EBPL: variants seen among roughly 807,000 people sequenced by gnomAD.
EBPL encodes emopamil-binding protein-like.
A neutral mutation model predicts 19.0 loss-of-function variants in EBPL; 20 were observed. That is an observed-to-expected ratio of 1.05 (90% CI 0.74 to 1.53). The LOEUF is 1.53. EBPL is among the 40% of genes most tolerant of loss of function. EBPL has a pLI of 0.00. For missense variants in EBPL, 219 were observed against 261.1 expected (o/e 0.84, Z 1.11); for synonymous variants, 107 against 117.0 (o/e 0.91, Z 0.55).
At chr13:49,671,984 C>G (rs904807181) in intron 1 of EBPL, among the ~76,000 whole-genome samples, 10 of 152,048 alleles carry the variant, frequency 6.6e-5, no homozygotes, top group African/African-American at 2.2e-4. Flanking sequence ...GCCCTAACCC[C>G]CTTCTTCAAG....
At chr13:49,667,043 C>T (rs1295169196) in intron 2 of EBPL, among the ~76,000 whole-genome samples, 1 of 152,022 alleles carries the variant, frequency 6.6e-6, no homozygotes, top group Non-Finnish European at 1.5e-5. Context: ...GTGTCTGAAT[C>T]TACAGACAGT....
At position 49,679,743 on chromosome 13, in the gene EBPL, G is replaced by A. The variant is rs188767834; in HGVS notation, c.172-9897C>T. 1.7e-4 allele frequency among the ~76,000 whole-genome samples: 26 copies of A among 152,066 alleles called. 1 individual carries two copies. The East Asian group carries it at 4.3e-3, about 25-fold the overall frequency. ...TGGTCTAGAACTCCTTGGCTCAAGC[G>A]CCTCCTCCCTCAGCTTCCCAAAGTG... On this transcript the variant is annotated intron_variant, in intron 1 of 3. Coordinates refer to ENST00000242827, the MANE Select transcript of EBPL (RefSeq NM_032565.5).
At chr13:49,661,834 GATGGTGGAAA>G (rs963751168) in intron 3 of EBPL, 1 of 1,549,854 alleles carries the variant, frequency 6.5e-7, no homozygotes, top group African/African-American at 1.4e-5. Context: ...TTCATTACAA[GATGGTGGAAA>G]ATGGAATGCA....
intron 2 of EBPL, among the ~76,000 whole-genome samples, chr13:49,665,566 T>G (rs1194277202): frequency 2.0e-5 from 3 of 152,218 alleles, no homozygotes; most frequent in Non-Finnish European, 4.4e-5. Flanking sequence ...TCACTGCACC[T>G]GGCCTAATTT....
At chr13:49,688,770 C>T (rs1235051048) in intron 1 of EBPL, among the ~76,000 whole-genome samples, 3 of 149,798 alleles carry the variant, frequency 2.0e-5, no homozygotes, top group African/African-American at 7.4e-5. Context: ...GGCAACTCAT[C>T]TTCTAGTGAA....
chr13:49,686,407 G>A, intron 1 of EBPL: 1 of 1,238,154 alleles, frequency 8.1e-7, no homozygotes. Flanking sequence ...ATAAGCCTTT[G>A]GCTTCTGGAG....
chr13:49,691,332 G>A lies in EBPL; in HGVS notation c.93C>T (p.Arg31=). 1 of 1,372,082 alleles carries A rather than the reference G, an allele frequency of 7.3e-7. No homozygotes were observed. The highest frequency in any genetic ancestry group is 9.5e-7 in the Non-Finnish European group (1 of 1,058,090). 85.0% of individuals were successfully genotyped at this position (1,372,082 alleles called of 1,614,324 possible). A position where few individuals can be genotyped will look rare whatever the true frequency, so the allele number is the denominator to read the frequency against. Residue 31 remains arginine, a synonymous_variant, in exon 1 of 4, where the codon CGC becomes CGT. Coordinates refer to ENST00000242827, the MANE Select transcript of EBPL (RefSeq NM_032565.5). ...LLAAGCALGL[R]LGRGQGAADR... is the part of the protein sequence containing the mutation. The stretch of plus-strand genomic sequence containing the variant: ...CCGCCGCCCCCTGCCCGCGGCCCAG[G>A]CGCAGGCCCAGGGCGCAGCCCGCCG...
intron 1 of EBPL, 48 bp from the exon 2 acceptor site, chr13:49,669,894 C>T (rs1392099098): frequency 1.4e-6 from 2 of 1,460,248 alleles, no homozygotes; most frequent in South Asian, 2.3e-5. Context: ...ATCACAACCA[C>T]AGGATGGCAC....
At chr13:49,669,063 C>T (rs1953780760) in intron 2 of EBPL, among the ~76,000 whole-genome samples, 1 of 151,816 alleles carries the variant, frequency 6.6e-6, no homozygotes, top group Non-Finnish European at 1.5e-5. Context: ...ATATTTTTAG[C>T]ACAGACAGGA....
At chr13:49,661,236 A>G in intron 3 of EBPL, 28 bp from the exon 4 acceptor site, 1 of 1,577,336 alleles carries the variant, frequency 6.3e-7, no homozygotes, top group Non-Finnish European at 8.7e-7. Flanking sequence ...GCCCGGGATG[A>G]ACCACCAGCT....
chr13:49,666,999 G>A (rs1242231374), intron 2 of EBPL, among the ~76,000 whole-genome samples: 1 of 152,148 alleles, frequency 6.6e-6, no homozygotes, highest in Non-Finnish European at 1.5e-5. Flanking sequence ...TTTCAGGGAG[G>A]AGCATGTGCA....
chr13:49,681,142 A>G (rs950719259), intron 1 of EBPL, among the ~76,000 whole-genome samples: 2 of 152,262 alleles, frequency 1.3e-5, no homozygotes, highest in African/African-American at 2.4e-5. Flanking sequence ...GGTTTAAAAA[A>G]TACAGTAAAG....
chr13:49,691,378 A>G lies in EBPL; in HGVS notation c.47T>C (p.Leu16Pro), dbSNP rs1418943599. Residue 16 changes from leucine (L) to proline (P), a missense_variant, in exon 1 of 4, where the codon CTG becomes CCG. Physicochemically the swap from Leu to Pro is moderately conservative, Grantham distance 98 (BLOSUM62 -3). Around this residue, in one of 2 missense-constraint regions of EBPL, gnomAD observed 170 missense variants for 167.0 expected, o/e 1.02. Coordinates refer to ENST00000242827, the MANE Select transcript of EBPL (RefSeq NM_032565.5). ...CGCCGCCAGCAGCGCGGCGCACAGC[A>G]GCAGCGAACCGCCAGCCTCGGCCCC... ...ELGAEAGGSL[L>P]LCAALLAAGC... is the part of the protein sequence containing the mutation. 2 of 1,363,332 alleles carry G rather than the reference A, an allele frequency of 1.5e-6. No homozygotes were observed. The highest frequency in any genetic ancestry group is 1.9e-6 in the Non-Finnish European group (2 of 1,055,078). The allele number at this position is 1,363,332 out of a possible 1,614,324, so 84.5% of individuals were successfully genotyped here.
chr13:49,662,309 C>T (rs941034913), intron 3 of EBPL, among the ~76,000 whole-genome samples: 1 of 152,082 alleles, frequency 6.6e-6, no homozygotes, highest in African/African-American at 2.4e-5. Context: ...CTGCACTCCG[C>T]CTGCCCCATA....
Position 49,691,478 on chromosome 13 carries a change from G to T in EBPL, c.-54C>A. 1.6e-6 allele frequency: 2 copies of T among 1,269,656 alleles called. No individual in the cohort carries two copies. Among genetic ancestry groups the T allele is most frequent in the Non-Finnish European group, 2.0e-6 (2 of 1,006,480 alleles). The allele number at this position is 1,269,656 out of a possible 1,614,324, so 78.6% of individuals were successfully genotyped here. On this transcript the variant is annotated 5_prime_UTR_variant, in exon 1 of 4. Coordinates refer to ENST00000242827, the MANE Select transcript of EBPL (RefSeq NM_032565.5). ...GGACCATGCGGCAGAGGAAAGCAGGGAGAGAAACGACGGGGCGGGGCTGGC... is the reference window on the plus strand; with the variant it reads ...GGACCATGCGGCAGAGGAAAGCAGGTAGAGAAACGACGGGGCGGGGCTGGC...
At chr13:49,678,889 G>C (rs1953911025) in intron 1 of EBPL, among the ~76,000 whole-genome samples, 1 of 151,652 alleles carries the variant, frequency 6.6e-6, no homozygotes, top group African/African-American at 2.4e-5. Flanking sequence ...GCACGCGCCT[G>C]TATTCCCAGC....
intron 1 of EBPL, among the ~76,000 whole-genome samples, chr13:49,671,793 T>C (rs1024014551): frequency 2.6e-5 from 4 of 152,234 alleles, no homozygotes; most frequent in African/African-American, 7.2e-5. Flanking sequence ...CCTCTTTCAC[T>C]GGACCCATTA....
intron 1 of EBPL, among the ~76,000 whole-genome samples, chr13:49,672,108 C>T (rs891240930): frequency 6.6e-6 from 1 of 152,170 alleles, no homozygotes. Context: ...CCCCCAGCTC[C>T]CATTGGATCA....
chr13:49,666,205 T>G (rs556255265), intron 2 of EBPL, among the ~76,000 whole-genome samples: 6 of 152,292 alleles, frequency 3.9e-5, no homozygotes, highest in Non-Finnish European at 4.4e-5. Flanking sequence ...GTGATTGGCT[T>G]GTCTGGATAA....
Sources: allele counts gnomAD v4.1 joint callset (sites outside exome capture counted in the v4.1 genomes callset), GRCh38; gene constraint gnomAD v4.1.1; regional missense constraint gnomAD v4.1.1; transcripts MANE v1.5; gene names NCBI Gene and HGNC (gene_info 2026-07-23, HGNC 2026-07-21).